ZFP3: variants seen among roughly 807,000 people sequenced by gnomAD.
ZFP3 encodes the protein zinc finger protein 3 homolog.
Under a neutral mutation model 36.7 loss-of-function variants are expected in ZFP3, and 18 were observed. The ratio of observed to expected loss-of-function variants is 0.49; its 90% CI spans 0.34 to 0.73. The LOEUF is 0.73. Among genes scored for constraint, ZFP3 ranks in the 30% least tolerant of loss-of-function variants. The pLI, the probability that ZFP3 is intolerant of heterozygous loss-of-function variation, is 0.01. For missense variants in ZFP3, 495 were observed against 599.0 expected (o/e 0.83, Z 1.81); for synonymous variants, 218 against 199.0 (o/e 1.10, Z -0.81).
chr17:5,091,624 A>G lies in ZFP3; in HGVS notation c.120A>G (p.Ala40=). ...KVVYQGHEFG[A]GCEEDMLEGH... ...TTTACCAAGGTCATGAGTTTGGAGCAGGATGTGAAGAAGACATGTTGGAGG... is the reference window on the plus strand; with the variant it reads ...TTTACCAAGGTCATGAGTTTGGAGCGGGATGTGAAGAAGACATGTTGGAGG... The change falls in exon 2 of 2, where the codon GCA becomes GCG. Residue 40 remains alanine, a synonymous_variant. Coordinates refer to ENST00000318833, the MANE Select transcript of ZFP3 (RefSeq NM_153018.3). 6.2e-7 allele frequency: 1 copy of G among 1,614,262 alleles called. No individual in the cohort carries two copies.
At chr17:5,084,919 T>G (rs1442909035) in intron 1 of ZFP3, among the ~76,000 whole-genome samples, 1 of 152,226 alleles carries the variant, frequency 6.6e-6, no homozygotes, top group Non-Finnish European at 1.5e-5. Context: ...AAATGGAGAT[T>G]GGCTTTGATT....
intron 1 of ZFP3, among the ~76,000 whole-genome samples, chr17:5,084,624 A>C (rs1232977987): frequency 2.0e-5 from 3 of 152,128 alleles, no homozygotes; most frequent in East Asian, 3.9e-4. Flanking sequence ...GAAAAGACAA[A>C]TTTAGGTCTG....
At chr17:5,082,033 G>A (rs2072096293) in intron 1 of ZFP3, among the ~76,000 whole-genome samples, 1 of 146,988 alleles carries the variant, frequency 6.8e-6, no homozygotes. Context: ...CCAACATGGT[G>A]AAACCCCGCC....
chr17:5,087,767 G>A (rs370150170), intron 1 of ZFP3, among the ~76,000 whole-genome samples: 21 of 152,024 alleles, frequency 1.4e-4, no homozygotes, highest in South Asian at 4.2e-4. Context: ...AACCCAAGGC[G>A]ACCTCACAGG....
At chr17:5,088,312 C>T (rs1312797358) in intron 1 of ZFP3, among the ~76,000 whole-genome samples, 1 of 152,104 alleles carries the variant, frequency 6.6e-6, no homozygotes, top group South Asian at 2.1e-4. Flanking sequence ...ACACCTATCT[C>T]CAGTCACACA....
rs1247500397 is a variant in ZFP3 at position 5,093,597 on chromosome 17, A to G, written c.*584A>G. On this transcript the variant is annotated 3_prime_UTR_variant, in exon 2 of 2. Transcript: ENST00000318833. Reference sequence around the variant, plus strand: ...AAATATTAGAAAGTCATAATTTAGAAGACACACCTCATTCTCCTGTCCACT... The same window carrying G: ...AAATATTAGAAAGTCATAATTTAGAGGACACACCTCATTCTCCTGTCCACT... 1 of 141,756 alleles carries G rather than the reference A, an allele frequency of 7.1e-6. No individual in the cohort carries two copies. The highest frequency in any genetic ancestry group is 1.6e-5 in the Non-Finnish European group (1 of 61,130). 8.8% of individuals were successfully genotyped at this position (141,756 alleles called of 1,614,324 possible). A position where few individuals can be genotyped will look rare whatever the true frequency, so the allele number is the denominator to read the frequency against.
At chr17:5,079,840 G>C (rs532907661) in intron 1 of ZFP3, among the ~76,000 whole-genome samples, 16 of 152,194 alleles carry the variant, frequency 1.1e-4, no homozygotes, top group Non-Finnish European at 1.8e-4. Context: ...AGGAGCTCGA[G>C]ACCAGCCTGG....
In ZFP3 at chr17:5,092,302, A is replaced by G. The variant is rs1399585819; in HGVS notation, c.798A>G (p.Ser266=). The change falls in exon 2 of 2, where the codon TCA becomes TCG. Residue 266 remains serine, a synonymous_variant. Coordinates refer to ENST00000318833, the MANE Select transcript of ZFP3 (RefSeq NM_153018.3). The surrounding 1 kb of genome is among the most constrained non-coding windows in gnomAD (Gnocchi z 5.0). The part of the protein sequence containing the change: ...NECGKTFRVS[S]QLIQHQRIHT... Reference sequence around the variant, plus strand: ...GTGGGAAGACCTTTAGGGTTAGTTCACAGCTTATTCAGCATCAGAGAATTC... The same window carrying G: ...GTGGGAAGACCTTTAGGGTTAGTTCGCAGCTTATTCAGCATCAGAGAATTC... 8.1e-6 allele frequency: 13 copies of G among 1,613,958 alleles called. No individual in the cohort carries two copies. Among genetic ancestry groups the G allele is most frequent in the Non-Finnish European group, 1.1e-5 (13 of 1,180,030 alleles).
chr17:5,093,078 T>C lies in ZFP3; in HGVS notation c.*65T>C. ...CCAACTTATTCATTTGTTCATAATA[T>C]GCAAATATGCACCCCAAGTATTCAA... On this transcript the variant is annotated 3_prime_UTR_variant, in exon 2 of 2. Transcript: ENST00000318833. The C allele has an allele frequency of 2.8e-6, 4 of 1,452,570 alleles. No homozygotes were observed. The highest frequency in any genetic ancestry group is 2.8e-6 in the Non-Finnish European group (3 of 1,081,184). 90.0% of individuals were successfully genotyped at this position (1,452,570 alleles called of 1,614,324 possible). A position where few individuals can be genotyped will look rare whatever the true frequency, so the allele number is the denominator to read the frequency against.
chr17:5,081,810 G>C (rs931331576), intron 1 of ZFP3, among the ~76,000 whole-genome samples: 17 of 150,830 alleles, frequency 1.1e-4, no homozygotes, highest in African/African-American at 4.1e-4. Context: ...ACCGTAATAG[G>C]CAGGATGGTC....
At chr17:5,083,695 T>G (rs1253711368) in intron 1 of ZFP3, among the ~76,000 whole-genome samples, 1 of 152,116 alleles carries the variant, frequency 6.6e-6, no homozygotes, top group Non-Finnish European at 1.5e-5. Flanking sequence ...ACATTAGTAT[T>G]TTTAACAGAT....
chr17:5,094,100 G>C lies in ZFP3; in HGVS notation c.*1087G>C, dbSNP rs1324371652. The C allele has an allele frequency of 6.0e-6, 1 of 167,218 alleles. No individual in the cohort carries two copies. Among genetic ancestry groups the C allele is most frequent in the Admixed American group, 6.5e-5 (1 of 15,294 alleles). 10.4% of individuals were successfully genotyped at this position (167,218 alleles called of 1,614,324 possible). A position where few individuals can be genotyped will look rare whatever the true frequency, so the allele number is the denominator to read the frequency against. On this transcript the variant is annotated 3_prime_UTR_variant, in exon 2 of 2. Transcript: ENST00000318833. The stretch of plus-strand genomic sequence containing the variant: ...TTCACCTGATGACAAACCAGGGTCT[G>C]GCCTTGCCAAAGCACTTAAGTTCTC...
Position 5,092,721 on chromosome 17 carries a change from C to A in ZFP3, c.1217C>A (p.Ser406Tyr). 6.2e-7 allele frequency: 1 copy of A among 1,614,108 alleles called. No homozygotes were observed. Among genetic ancestry groups the A allele is most frequent in the Non-Finnish European group, 8.5e-7 (1 of 1,180,022 alleles). ...TGTGGAAAGGCTTTCAGGCGGACCTCTCACCTTATTGTCCACCAGAGAATT... is the reference window on the plus strand; with the variant it reads ...TGTGGAAAGGCTTTCAGGCGGACCTATCACCTTATTGTCCACCAGAGAATT... ...FECGKAFRRT[S>Y]HLIVHQRIHT... The change falls in exon 2 of 2, where the codon TCT (serine) becomes TAT (tyrosine). Residue 406 changes from serine (S) to tyrosine (Y), a missense_variant. Physicochemically the swap from Ser to Tyr is moderately radical, Grantham distance 144. This residue lies in a region of ZFP3 where 163 missense variants were observed against 178.4 expected (regional missense o/e 0.91). Coordinates refer to ENST00000318833, the MANE Select transcript of ZFP3 (RefSeq NM_153018.3). This position sits in a 1 kb window ranked among gnomAD's most constrained non-coding sequence, Gnocchi z 5.0.
At chr17:5,082,861 C>T (rs1392762040) in intron 1 of ZFP3, among the ~76,000 whole-genome samples, 1 of 152,300 alleles carries the variant, frequency 6.6e-6, no homozygotes, top group Middle Eastern at 3.4e-3. Flanking sequence ...TGTCAGTCAG[C>T]TGCCAGATTA....
chr17:5,088,041 A>C (rs931502016), intron 1 of ZFP3, among the ~76,000 whole-genome samples: 2 of 151,958 alleles, frequency 1.3e-5, no homozygotes, highest in African/African-American at 4.8e-5. Flanking sequence ...CTCATGCTAC[A>C]CTCAGGCTGA....
chr17:5,093,327 A>G lies in ZFP3; in HGVS notation c.*314A>G, dbSNP rs973300085. 3.7e-6 allele frequency: 1 copy of G among 273,776 alleles called. No homozygotes were observed. The highest frequency in any genetic ancestry group is 2.2e-5 in the African/African-American group (1 of 44,996). 17.0% of individuals were successfully genotyped at this position (273,776 alleles called of 1,614,324 possible). On this transcript the variant is annotated 3_prime_UTR_variant, in exon 2 of 2. Coordinates refer to ENST00000318833, the MANE Select transcript of ZFP3 (RefSeq NM_153018.3). Reference sequence around the variant, plus strand: ...CAAATAGCTAGGACTGCAGGCACTAATGAGGCACTTTTATGAATTATTCAT... The same window carrying G: ...CAAATAGCTAGGACTGCAGGCACTAGTGAGGCACTTTTATGAATTATTCAT...
intron 1 of ZFP3, among the ~76,000 whole-genome samples, chr17:5,088,586 C>T (rs998946428): frequency 4.0e-5 from 6 of 149,416 alleles, no homozygotes; most frequent in African/African-American, 1.2e-4. Context: ...AGTGCTGGGA[C>T]TACAGGCGCC....
Position 5,093,744 on chromosome 17 carries a change from G to C in ZFP3, c.*731G>C, listed in dbSNP as rs3744706. The C allele has an allele frequency of 0.25, 41,840 of 167,002 alleles. 6,109 individuals carry two copies. Among genetic ancestry groups the C allele is most frequent in the East Asian group, 0.65 (3,366 of 5,180 alleles). The allele number at this position is 167,002 out of a possible 1,614,324, so 10.3% of individuals were successfully genotyped here. A position where few individuals can be genotyped will look rare whatever the true frequency, so the allele number is the denominator to read the frequency against. On this transcript the variant is annotated 3_prime_UTR_variant, in exon 2 of 2. Transcript: ENST00000318833. ...AGCAGGCTCATTTCACATCTGTCAG[G>C]CTTCCTTATTCATCTGAAGAGGCTG...
chr17:5,091,373 T>A (rs2072148623), intron 1 of ZFP3, 124 bp from the exon 2 acceptor site: 12 of 1,078,596 alleles, frequency 1.1e-5, no homozygotes, highest in Non-Finnish European at 1.6e-5. Context: ...TCAGCTGCCC[T>A]CCTCCCCTGA....
Sources: allele counts gnomAD v4.1 joint callset (sites outside exome capture counted in the v4.1 genomes callset), GRCh38; gene constraint gnomAD v4.1.1; regional missense constraint gnomAD v4.1.1; non-coding constraint Gnocchi (gnomAD v3.1); transcripts MANE v1.5; gene names NCBI Gene and HGNC (gene_info 2026-07-23, HGNC 2026-07-21).